PGCKA1: variants seen among roughly 807,000 people sequenced by gnomAD.
PGCKA1 encodes the protein PDCD10 and GCKIII kinases-associated protein 1.
the PGCKA1 span, among the ~76,000 whole-genome samples, chr4:37,580,917 A>G: frequency 0.029 from 4,480 of 152,248 alleles, 204 homozygotes; most frequent in African/African-American, 0.1. Flanking sequence ...CTGGTGCTCT[A>G]TTCTACTGGG....
At chr4:37,453,958 C>G in the PGCKA1 span, 1 of 155,800 alleles carries the variant, frequency 6.4e-6, no homozygotes, top group Admixed American at 6.6e-5. Context: ...CCGCTAGCGT[C>G]TCCCGGCGCG....
the PGCKA1 span, among the ~76,000 whole-genome samples, chr4:37,574,563 G>A: frequency 1.3e-5 from 2 of 152,026 alleles, no homozygotes; most frequent in Admixed American, 1.3e-4. Flanking sequence ...AGGTAAATGG[G>A]ATACACATTG....
chr4:37,522,480 A>G, the PGCKA1 span, among the ~76,000 whole-genome samples: 2 of 152,082 alleles, frequency 1.3e-5, no homozygotes, highest in Non-Finnish European at 2.9e-5. Flanking sequence ...GGGAAAGTGG[A>G]CTCTGGTATG....
At chr4:37,542,657 A>T in the PGCKA1 span, among the ~76,000 whole-genome samples, 2 of 152,178 alleles carry the variant, frequency 1.3e-5, no homozygotes, top group African/African-American at 4.8e-5. Context: ...TCATTAGTGT[A>T]ACCAAGGAGC....
chr4:37,528,163 G>A, the PGCKA1 span, among the ~76,000 whole-genome samples: 4 of 152,158 alleles, frequency 2.6e-5, no homozygotes, highest in African/African-American at 9.7e-5. Flanking sequence ...TTAGCACTGG[G>A]CTTGTTTTTA....
At chr4:37,477,027 C>T in the PGCKA1 span, among the ~76,000 whole-genome samples, 20 of 152,202 alleles carry the variant, frequency 1.3e-4, 1 homozygote, top group South Asian at 1.0e-3. Context: ...TTACAGTATT[C>T]ATCAATTCTC....
the PGCKA1 span, among the ~76,000 whole-genome samples, chr4:37,464,256 C>T: frequency 6.6e-6 from 1 of 152,210 alleles, no homozygotes. Flanking sequence ...GGAGTCAGGC[C>T]TGGCTGCCCC....
At chr4:37,559,668 A>T in the PGCKA1 span, among the ~76,000 whole-genome samples, 1 of 152,304 alleles carries the variant, frequency 6.6e-6, no homozygotes, top group African/African-American at 2.4e-5. Context: ...AGGGTCCAGG[A>T]TAACGACTAG....
the PGCKA1 span, chr4:37,589,959 C>T: frequency 2.6e-6 from 2 of 761,856 alleles, no homozygotes; most frequent in South Asian, 3.5e-5. Flanking sequence ...TTGATTTAGA[C>T]ATACTTATCT....
the PGCKA1 span, among the ~76,000 whole-genome samples, chr4:37,570,889 A>G: frequency 1.3e-5 from 2 of 152,228 alleles, no homozygotes; most frequent in East Asian, 3.8e-4. Flanking sequence ...GGGGAACAAC[A>G]GTCTCTCCCA....
the PGCKA1 span, among the ~76,000 whole-genome samples, chr4:37,489,531 CATTT>C: frequency 2.9e-3 from 437 of 152,088 alleles, 3 homozygotes; most frequent in African/African-American, 0.01. Context: ...TTCATATAGT[CATTT>C]AATTATAAAA....
chr4:37,586,559 G>A, the PGCKA1 span, among the ~76,000 whole-genome samples: 3 of 152,148 alleles, frequency 2.0e-5, no homozygotes, highest in Non-Finnish European at 4.4e-5. Context: ...AGTGATTTGG[G>A]GATGTTACTA....
At chr4:37,555,652 C>T in the PGCKA1 span, among the ~76,000 whole-genome samples, 1 of 152,130 alleles carries the variant, frequency 6.6e-6, no homozygotes, top group Non-Finnish European at 1.5e-5. Context: ...ACAGTATAAT[C>T]AAAGTCAAGA....
the PGCKA1 span, among the ~76,000 whole-genome samples, chr4:37,563,447 G>T: frequency 3.0e-5 from 4 of 132,234 alleles, no homozygotes; most frequent in South Asian, 1.2e-3. Context: ...TCTTCCCGAG[G>T]TTGCTCAGGA....
the PGCKA1 span, among the ~76,000 whole-genome samples, chr4:37,457,713 T>C: frequency 2.6e-5 from 4 of 152,252 alleles, no homozygotes; most frequent in Admixed American, 1.3e-4. Flanking sequence ...CTCCAGAATA[T>C]GTATTGTAAC....
At chr4:37,521,312 CT>C in the PGCKA1 span, among the ~76,000 whole-genome samples, 1 of 152,298 alleles carries the variant, frequency 6.6e-6, no homozygotes, top group East Asian at 1.9e-4. Flanking sequence ...ACATCTAAGG[CT>C]TTTGATTCTA....
chr4:37,528,036 G>C, the PGCKA1 span, among the ~76,000 whole-genome samples: 1 of 152,060 alleles, frequency 6.6e-6, no homozygotes, highest in African/African-American at 2.4e-5. Context: ...TGTCTTTGTA[G>C]TGTGACCGTA....
chr4:37,541,145 A>G, the PGCKA1 span, among the ~76,000 whole-genome samples: 2 of 152,106 alleles, frequency 1.3e-5, no homozygotes, highest in Admixed American at 1.3e-4. Context: ...GAAATCTCGC[A>G]GAGTCAGGCA....
the PGCKA1 span, among the ~76,000 whole-genome samples, chr4:37,545,540 A>G: frequency 6.6e-6 from 1 of 152,214 alleles, no homozygotes. Context: ...TAAGGATTCT[A>G]CCATCTAAAT....
Sources: gnomAD v4.1 joint callset for allele counts (sites outside exome capture counted in the v4.1 genomes callset) on GRCh38, gnomAD v4.1.1 for gene constraint, MANE v1.5 for transcripts, NCBI Gene and HGNC (gene_info 2026-07-23, HGNC 2026-07-21) for gene names.